The following TOGARAM1 variants were observed in gnomAD, a reference collection of about 807,000 sequenced individuals.
TOGARAM1 encodes TOG array regulator of axonemal microtubules 1.
TOGARAM1 carries 100 observed loss-of-function variants against 166.6 expected under a neutral mutation model. The ratio of observed to expected loss-of-function variants is 0.60; its 90% CI spans 0.51 to 0.71. TOGARAM1 has a LOEUF of 0.71. Ranked by LOEUF, TOGARAM1 falls within the 30% of genes least tolerant of loss-of-function variation. The pLI, the probability that TOGARAM1 is intolerant of heterozygous loss-of-function variation, is 0.00. For synonymous variants in TOGARAM1, 758 were observed against 763.8 expected (o/e 0.99, Z 0.13); for missense variants, 2,029 against 2,102.7 (o/e 0.96, Z 0.69).
chr14:45,034,072 G>A (rs761172030), intron 11 of TOGARAM1, among the ~76,000 whole-genome samples: 12 of 152,102 alleles, frequency 7.9e-5, no homozygotes, highest in African/African-American at 1.2e-4. Context: ...CACAAGAATC[G>A]CTTGAACCTG....
chr14:45,054,331 T>G (rs911623731), intron 15 of TOGARAM1, 100 bp from the exon 16 acceptor site: 44 of 704,666 alleles, frequency 6.2e-5, no homozygotes, highest in Non-Finnish European at 9.3e-5. Context: ...ACTTTCCATC[T>G]TAAAAAATCA....
At chr14:45,028,421 G>C (rs1880984819) in intron 10 of TOGARAM1, 92 bp downstream of exon 10, 4 of 1,316,312 alleles carry the variant, frequency 3.0e-6, no homozygotes, top group Non-Finnish European at 4.2e-6. Context: ...ATATGACTAA[G>C]AATGAAATAT....
At chr14:44,997,427 AAAAAAG>A (rs1182960239) in intron 2 of TOGARAM1, 1 of 152,268 alleles carries the variant, frequency 6.6e-6, no homozygotes, top group Non-Finnish European at 1.4e-5. Flanking sequence ...AAAAAAAAAA[AAAAAAG>A]GTGATTGGAT....
chr14:45,018,684 G>C (rs898836736), intron 7 of TOGARAM1, among the ~76,000 whole-genome samples: 1 of 152,144 alleles, frequency 6.6e-6, no homozygotes, highest in African/African-American at 2.4e-5. Flanking sequence ...TTAACATTTA[G>C]TCTATAATAT....
At chr14:44,993,298 CAAA>C (rs1887244379) in intron 1 of TOGARAM1, among the ~76,000 whole-genome samples, 1 of 150,664 alleles carries the variant, frequency 6.6e-6, no homozygotes, top group South Asian at 2.1e-4. Context: ...AAAACAAAAA[CAAA>C]AACAAAAACA....
chr14:44,998,928 G>C (rs973259979), intron 2 of TOGARAM1, among the ~76,000 whole-genome samples: 9 of 152,072 alleles, frequency 5.9e-5, no homozygotes, highest in African/African-American at 1.9e-4. Flanking sequence ...GAAAATAAAA[G>C]AGGTTGCAGC....
At chr14:45,067,297 TA>T (rs1458834652) in intron 17 of TOGARAM1, among the ~76,000 whole-genome samples, 1 of 152,112 alleles carries the variant, frequency 6.6e-6, no homozygotes, top group Non-Finnish European at 1.5e-5. Context: ...ACCTGGCATC[TA>T]GTAAATATAT....
chr14:45,021,277 G>A (rs1370263136), intron 7 of TOGARAM1, among the ~76,000 whole-genome samples: 2 of 152,134 alleles, frequency 1.3e-5, no homozygotes, highest in Non-Finnish European at 2.9e-5. Flanking sequence ...GAGTGGCAGA[G>A]TTACAGCAGT....
chr14:44,963,380 C>T lies in TOGARAM1; in HGVS notation c.959C>T (p.Pro320Leu). Residue 320 changes from proline to leucine, a missense_variant, in exon 1 of 20, where the codon CCT (proline) becomes CTT (leucine). By Grantham distance (98) the Pro-to-Leu change is moderately conservative. This residue lies in a region of TOGARAM1 where 1,453 missense variants were observed against 1,432.2 expected (regional missense o/e 1.01). Transcript: ENST00000361462. ...RLESQFGSQV[P>L]YYLELEASGF... ...GAGTCCCAGTTTGGAAGTCAGGTTCCTTATTATTTGGAACTTGAAGCCTCT... is the reference window on the plus strand; with the variant it reads ...GAGTCCCAGTTTGGAAGTCAGGTTCTTTATTATTTGGAACTTGAAGCCTCT... 1 of 1,614,166 alleles carries T rather than the reference C, an allele frequency of 6.2e-7. No individual in the cohort carries two copies. Among genetic ancestry groups the T allele is most frequent in the South Asian group, 1.1e-5 (1 of 91,080 alleles).
chr14:44,964,165 A>G lies in TOGARAM1; in HGVS notation c.1744A>G (p.Thr582Ala). 2 of 1,614,238 alleles carry G rather than the reference A, an allele frequency of 1.2e-6. No homozygotes were observed. Among genetic ancestry groups the G allele is most frequent in the Non-Finnish European group, 1.7e-6 (2 of 1,180,042 alleles). ...GGCTAGGAAAACCTTACCAAGGCTC[A>G]CAGAGCAGGGATTTGTGGAATATGC... ...RLARKTLPRL[T>A]EQGFVEYAVL... is the part of the protein sequence containing the mutation. Residue 582 changes from threonine to alanine, a missense_variant, in exon 1 of 20, where the codon ACA becomes GCA. Coordinates refer to ENST00000361462, the MANE Select transcript of TOGARAM1 (RefSeq NM_001308120.2).
intron 12 of TOGARAM1, among the ~76,000 whole-genome samples, chr14:45,044,207 A>T (rs370297552): frequency 2.6e-5 from 4 of 151,942 alleles, no homozygotes; most frequent in African/African-American, 9.7e-5. Context: ...ACAGGCTTTG[A>T]CCATATTGGC....
chr14:44,965,849 C>A (rs556830189), intron 1 of TOGARAM1, among the ~76,000 whole-genome samples: 23 of 150,906 alleles, frequency 1.5e-4, no homozygotes, highest in Non-Finnish European at 3.0e-4. Context: ...ATTTATTACA[C>A]TGGGGGCTTA....
chr14:44,963,846 C>A lies in TOGARAM1; in HGVS notation c.1425C>A (p.Leu475=). 1 of 1,614,128 alleles carries A rather than the reference C, an allele frequency of 6.2e-7. No individual in the cohort carries two copies. ...EVGPQQVLCL[L]LEHLKHKHSR... ...GACCTCAGCAGGTGCTTTGTTTACT[C>A]CTGGAACATCTCAAACATAAGCATT... Residue 475 remains leucine (L), a synonymous_variant, in exon 1 of 20, where the codon CTC becomes CTA. Transcript: ENST00000361462.
At chr14:45,037,616 A>G (rs969151978) in intron 11 of TOGARAM1, among the ~76,000 whole-genome samples, 10 of 152,218 alleles carry the variant, frequency 6.6e-5, no homozygotes, top group African/African-American at 1.7e-4. Flanking sequence ...ACCATATAAT[A>G]TTGCTTGAAA....
intron 16 of TOGARAM1, among the ~76,000 whole-genome samples, chr14:45,057,246 A>G (rs1882687296): frequency 6.6e-6 from 1 of 152,054 alleles, no homozygotes; most frequent in Non-Finnish European, 1.5e-5. Context: ...GTAGCGATTT[A>G]TTAATTTTAT....
chr14:44,964,462 GA>G lies in TOGARAM1; in HGVS notation c.2042del (p.Glu681GlyfsTer14). On this transcript the variant is annotated frameshift_variant, in exon 1 of 20. Transcript: ENST00000361462. LOFTEE classifies it high-confidence loss of function. ...CCAGACCTCCACTTCCAAGGATATA[GA>G]GCAGGTATGCTTCTCTAATTTTCTT... ...ENQTSTSKDI[E>X]QFSTYDFIPS... is the part of the protein sequence containing the mutation. 6.5e-7 allele frequency: 1 copy of G among 1,548,296 alleles called. No individual in the cohort carries two copies. Among genetic ancestry groups the G allele is most frequent in the African/African-American group, 1.4e-5 (1 of 72,688 alleles).
intron 6 of TOGARAM1, among the ~76,000 whole-genome samples, chr14:45,009,848 T>C (rs1443784405): frequency 1.3e-5 from 2 of 152,222 alleles, no homozygotes; most frequent in African/African-American, 4.8e-5. Flanking sequence ...GGAGAATCCC[T>C]TCCTCTTTTA....
intron 3 of TOGARAM1, among the ~76,000 whole-genome samples, chr14:45,002,556 G>C (rs1162226501): frequency 1.3e-5 from 2 of 152,174 alleles, no homozygotes. Context: ...CAATATAGAT[G>C]TTTGCATCCC....
At chr14:45,050,801 C>T (rs933728557) in intron 14 of TOGARAM1, among the ~76,000 whole-genome samples, 1 of 151,892 alleles carries the variant, frequency 6.6e-6, no homozygotes, top group Non-Finnish European at 1.5e-5. Flanking sequence ...TTTTAGTAGA[C>T]ACTGGGTTTC....
Sources: allele counts gnomAD v4.1 joint callset (sites outside exome capture counted in the v4.1 genomes callset), GRCh38; gene constraint gnomAD v4.1.1; regional missense constraint gnomAD v4.1.1; transcripts MANE v1.5; gene names NCBI Gene and HGNC (gene_info 2026-07-23, HGNC 2026-07-21).